SCN8A: variants seen among roughly 807,000 people sequenced by gnomAD.
The protein encoded by SCN8A is sodium channel protein type 8 subunit alpha.
In SCN8A, 30 loss-of-function variants were observed where a neutral mutation model predicts 184.1. The ratio of observed to expected loss-of-function variants is 0.16; its 90% CI spans 0.12 to 0.22. SCN8A has a LOEUF of 0.22. Ranked by LOEUF, SCN8A falls within the 10% of genes least tolerant of loss-of-function variation. The pLI is 1.00. For synonymous variants in SCN8A, 852 were observed against 907.0 expected, an observed-to-expected ratio of 0.94 and a Z score of 1.09; for missense variants, 1,057 against 2,498.9, an observed-to-expected ratio of 0.42 and a Z score of 12.30.
chr12:51,769,143 G>A lies in SCN8A; in HGVS notation c.3180G>A (p.Gln1060=). The A allele has an allele frequency of 3.1e-6, 5 of 1,613,470 alleles. No individual in the cohort carries two copies. The South Asian group carries it at 5.5e-5, about 18-fold the overall frequency. Residue 1060 remains glutamine (Q), a synonymous_variant, in exon 17 of 27, where the codon CAG becomes CAA. Transcript: ENST00000627620. ...ACATCCACCGGAATGGTGACTTCCAGAAGAATGGCAATGGCACAACCAGCG... is the reference window on the plus strand; with the variant it reads ...ACATCCACCGGAATGGTGACTTCCAAAAGAATGGCAATGGCACAACCAGCG... ...GADIHRNGDF[Q]KNGNGTTSGI... is the part of the protein sequence containing the mutation.
intron 1 of SCN8A, among the ~76,000 whole-genome samples, chr12:51,645,348 C>T (rs567813930): frequency 4.0e-5 from 6 of 151,470 alleles, no homozygotes; most frequent in Admixed American, 1.3e-4. Flanking sequence ...TTCAGCCCCC[C>T]GTCTGGCCAG....
chr12:51,634,296 C>A (rs1261323866), intron 1 of SCN8A, among the ~76,000 whole-genome samples: 2 of 152,048 alleles, frequency 1.3e-5, no homozygotes, highest in Non-Finnish European at 2.9e-5. Flanking sequence ...CATAACCCTG[C>A]AAGAGAGTGA....
chr12:51,696,655 C>G (rs546063327), intron 6 of SCN8A, among the ~76,000 whole-genome samples: 1 of 152,186 alleles, frequency 6.6e-6, no homozygotes, highest in African/African-American at 2.4e-5. Flanking sequence ...CTACTGCCCA[C>G]TGCTGTGTAG....
chr12:51,806,968 G>C lies in SCN8A; in HGVS notation c.5482G>C (p.Glu1828Gln). Reference protein sequence around the residue: ...PLRVPKPNTIELIAMDLPMVS... With the variant: ...PLRVPKPNTIQLIAMDLPMVS... Reference sequence around the variant, plus strand: ...CCGAGTGCCCAAGCCCAATACCATTGAGCTCATCGCTATGGATCTGCCAAT... The same window carrying C: ...CCGAGTGCCCAAGCCCAATACCATTCAGCTCATCGCTATGGATCTGCCAAT... The change falls in exon 27 of 27, where the codon GAG becomes CAG. Residue 1828 changes from glutamate (E) to glutamine (Q), a missense_variant. By Grantham distance (29) the Glu-to-Gln change is conservative (BLOSUM62 2). This residue lies in a region of SCN8A where 50 missense variants were observed against 125.8 expected (regional missense o/e 0.40). Transcript: ENST00000627620. This position sits in a 1 kb window ranked among gnomAD's most constrained non-coding sequence, Gnocchi z 8.7. 2 of 1,614,020 alleles carry C rather than the reference G, an allele frequency of 1.2e-6. No individual in the cohort carries two copies. The highest frequency in any genetic ancestry group is 1.7e-6 in the Non-Finnish European group (2 of 1,179,890).
chr12:51,800,484 G>C (rs891325213), intron 26 of SCN8A, among the ~76,000 whole-genome samples: 6 of 152,198 alleles, frequency 3.9e-5, no homozygotes, highest in Admixed American at 3.9e-4. Flanking sequence ...TATTGTTTTT[G>C]ATTTACTGTT....
intron 10 of SCN8A, 142 bp downstream of exon 10, chr12:51,705,765 A>G (rs1421703201): frequency 2.8e-6 from 2 of 723,950 alleles, no homozygotes; most frequent in African/African-American, 3.6e-5. Flanking sequence ...CCAAGTAACA[A>G]CTGCAGATGG....
At chr12:51,735,035 T>C (rs1420897438) in intron 12 of SCN8A, among the ~76,000 whole-genome samples, 2 of 152,308 alleles carry the variant, frequency 1.3e-5, no homozygotes, top group East Asian at 3.9e-4. Context: ...TTGTAGATGG[T>C]TTTTATTTTT....
intron 1 of SCN8A, among the ~76,000 whole-genome samples, chr12:51,656,472 A>G (rs939405047): frequency 2.0e-5 from 3 of 152,220 alleles, no homozygotes; most frequent in African/African-American, 4.8e-5. Flanking sequence ...ATTAAGAACT[A>G]CAGTTTATCA....
chr12:51,619,101 A>G (rs1346166716), intron 1 of SCN8A, among the ~76,000 whole-genome samples: 1 of 152,152 alleles, frequency 6.6e-6, no homozygotes, highest in East Asian at 1.9e-4. Flanking sequence ...TGGAATATGG[A>G]TAAGTGTGCA....
At chr12:51,663,224 G>T in intron 2 of SCN8A, 131 bp downstream of exon 2, 1 of 1,087,730 alleles carries the variant, frequency 9.2e-7, no homozygotes, top group Non-Finnish European at 1.3e-6. Flanking sequence ...GTTCTGGCTT[G>T]TGGGGATTAT....
At chr12:51,623,282 A>G (rs1940003165) in intron 1 of SCN8A, among the ~76,000 whole-genome samples, 1 of 152,188 alleles carries the variant, frequency 6.6e-6, no homozygotes, top group Admixed American at 6.5e-5. Flanking sequence ...ACATATTTCT[A>G]ATTATTTCTG....
At chr12:51,725,975 G>A (rs533601255) in intron 12 of SCN8A, among the ~76,000 whole-genome samples, 232 of 152,278 alleles carry the variant, frequency 1.5e-3, no homozygotes, top group Non-Finnish European at 2.7e-3. Flanking sequence ...GATAGTGCAC[G>A]CACTGGTCTC....
intron 12 of SCN8A, among the ~76,000 whole-genome samples, chr12:51,737,481 G>C (rs1320038688): frequency 1.3e-5 from 2 of 152,192 alleles, no homozygotes; most frequent in Non-Finnish European, 2.9e-5. Context: ...ATAGAAAACA[G>C]ATTACTCATG....
intron 2 of SCN8A, among the ~76,000 whole-genome samples, chr12:51,680,311 A>G (rs918110082): frequency 1.3e-5 from 2 of 152,192 alleles, no homozygotes; most frequent in African/African-American, 4.8e-5. Flanking sequence ...TCACACATCA[A>G]ATGTCCTTAG....
At chr12:51,634,537 A>G (rs1940270058) in intron 1 of SCN8A, among the ~76,000 whole-genome samples, 1 of 152,068 alleles carries the variant, frequency 6.6e-6, no homozygotes, top group Non-Finnish European at 1.5e-5. Flanking sequence ...AAGAACATGG[A>G]TGGATTTCAT....
intron 1 of SCN8A, among the ~76,000 whole-genome samples, chr12:51,608,528 A>G (rs538002463): frequency 2.4e-4 from 37 of 152,176 alleles, no homozygotes; most frequent in African/African-American, 8.7e-4. Context: ...TATGTGCGTA[A>G]AAGTGTTCAT....
At chr12:51,661,997 G>T (rs947354245) in intron 1 of SCN8A, among the ~76,000 whole-genome samples, 1 of 152,168 alleles carries the variant, frequency 6.6e-6, no homozygotes, top group Non-Finnish European at 1.5e-5. Flanking sequence ...CTCAGGAGTC[G>T]CACGCAGGCC....
At chr12:51,749,297 T>C (rs1033666272) in intron 13 of SCN8A, among the ~76,000 whole-genome samples, 4 of 152,200 alleles carry the variant, frequency 2.6e-5, no homozygotes, top group African/African-American at 9.6e-5. Context: ...TGGTGCCCTG[T>C]AGGGCAGGAA....
chr12:51,771,136 T>C (rs1942919714), intron 19 of SCN8A, among the ~76,000 whole-genome samples: 3 of 152,212 alleles, frequency 2.0e-5, no homozygotes, highest in Admixed American at 1.3e-4. Context: ...ATTCACATTG[T>C]CCTAAGTGCT....
Sources: allele counts gnomAD v4.1 joint callset (sites outside exome capture counted in the v4.1 genomes callset), GRCh38; gene constraint gnomAD v4.1.1; regional missense constraint gnomAD v4.1.1; non-coding constraint Gnocchi (gnomAD v3.1); transcripts MANE v1.5; gene names NCBI Gene and HGNC (gene_info 2026-07-23, HGNC 2026-07-21).